TNRC18: variants seen among roughly 807,000 people sequenced by gnomAD.
TNRC18 encodes the protein trinucleotide repeat containing 18, also known as trinucleotide repeat-containing gene 18 protein.
In TNRC18, 69 loss-of-function variants were observed where a neutral mutation model predicts 226.7. That is an observed-to-expected ratio of 0.30 (90% CI 0.25 to 0.37). The LOEUF is 0.37. TNRC18 is among the 10% of genes least tolerant of loss of function. The pLI is 1.00. For synonymous variants in TNRC18, 2,449 were observed against 1,927.6 expected (o/e 1.27, Z -7.09); for missense variants, 4,754 against 4,256.6 (o/e 1.12, Z -3.25).
At chr7:5,357,335 C>G in intron 15 of TNRC18, 59 bp from the exon 16 acceptor site, 1 of 1,520,968 alleles carries the variant, frequency 6.6e-7, no homozygotes. Context: ...TAGTGGGTTT[C>G]AGTGCACATG....
Position 5,309,517 on chromosome 7 carries a change from G to C in TNRC18, c.8389-149C>G, listed in dbSNP as rs116966902. ...GGGAGATGAGGAAGCTCCTTGTCTC[G>C]CTTCAAGTGGGGAAGCCCCTCTTCC... On this transcript the variant is annotated intron_variant, in intron 27 of 29. Coordinates refer to ENST00000430969, the MANE Select transcript of TNRC18 (RefSeq NM_001080495.3). This position sits in a 1 kb window ranked among gnomAD's most constrained non-coding sequence, Gnocchi z 5.7. 7,130 of 674,412 alleles carry C rather than the reference G, an allele frequency of 0.011. 65 individuals carry two copies. Among genetic ancestry groups the C allele is most frequent in the South Asian group, 0.021 (1,064 of 51,646 alleles). 41.8% of individuals were successfully genotyped at this position (674,412 alleles called of 1,614,324 possible). A position where few individuals can be genotyped will look rare whatever the true frequency, so the allele number is the denominator to read the frequency against.
intron 18 of TNRC18, among the ~76,000 whole-genome samples, chr7:5,337,350 G>A (rs1290135582): frequency 6.6e-6 from 1 of 152,122 alleles, no homozygotes; most frequent in African/African-American, 2.4e-5. Flanking sequence ...CGGGCATGAT[G>A]GCTCACACCT....
In TNRC18 at chr7:5,321,105, G is replaced by A. The variant is rs766645034; in HGVS notation, c.6528C>T (p.Ala2176=). The change falls in exon 22 of 30, where the codon GCC becomes GCT. Residue 2176 remains alanine, a synonymous_variant. Coordinates refer to ENST00000430969, the MANE Select transcript of TNRC18 (RefSeq NM_001080495.3). The part of the protein sequence containing the change: ...LIPMDDKLLY[A]GHVQTVHSPD... ...GCGAGTGCACGGTCTGCACGTGCCC[G>A]GCGTACAGCAGCTTGTCATCCATGG... 74 of 1,553,798 alleles carry A rather than the reference G, an allele frequency of 4.8e-5. No individual in the cohort carries two copies. Among genetic ancestry groups the A allele is most frequent in the South Asian group, 1.3e-4 (11 of 84,152 alleles).
chr7:5,381,897 C>T (rs567387955), intron 5 of TNRC18, among the ~76,000 whole-genome samples: 8 of 152,058 alleles, frequency 5.3e-5, no homozygotes, highest in Admixed American at 2.6e-4. Context: ...ACCCGGGAGG[C>T]GGAGGTTGCA....
At position 5,370,421 on chromosome 7, in the gene TNRC18, A is replaced by T; in HGVS notation, c.4173T>A (p.Ser1391Arg). The part of the protein sequence containing the change: ...QSFLHGITLL[S>R]EIAELELERR... Reference sequence around the variant, plus strand: ...TCTCCAGCTCCAGCTCTGCGATCTCACTTAGCAGGGTGATGCCATGCAGGA... The same window carrying T: ...TCTCCAGCTCCAGCTCTGCGATCTCTCTTAGCAGGGTGATGCCATGCAGGA... The change falls in exon 11 of 30, where the codon AGT becomes AGA. Residue 1391 changes from serine to arginine, a missense_variant. Physicochemically the swap from Ser to Arg is moderately radical, Grantham distance 110 (BLOSUM62 -1). Coordinates refer to ENST00000430969, the MANE Select transcript of TNRC18 (RefSeq NM_001080495.3). 1 of 1,554,002 alleles carries T rather than the reference A, an allele frequency of 6.4e-7. No individual in the cohort carries two copies. The highest frequency in any genetic ancestry group is 1.7e-4 in the Middle Eastern group (1 of 5,996).
intron 5 of TNRC18, among the ~76,000 whole-genome samples, chr7:5,386,227 G>A (rs569745954): frequency 5.2e-4 from 79 of 152,104 alleles, no homozygotes; most frequent in African/African-American, 1.6e-3. Context: ...GGCAGAGGTT[G>A]CAGTGAGCAG....
intron 16 of TNRC18, 46 bp downstream of exon 16, chr7:5,356,870 A>T (rs1792475509): frequency 6.8e-7 from 1 of 1,475,520 alleles, no homozygotes; most frequent in Non-Finnish European, 9.0e-7. Context: ...AGGGGAGAAA[A>T]GGAGAGAAGC....
intron 2 of TNRC18, among the ~76,000 whole-genome samples, chr7:5,417,970 C>A (rs143047720): frequency 3.3e-5 from 5 of 152,268 alleles, no homozygotes; most frequent in Non-Finnish European, 7.4e-5. Flanking sequence ...CCAAGCCAAG[C>A]CCCTCCCTTG....
intron 17 of TNRC18, among the ~76,000 whole-genome samples, chr7:5,350,299 A>G (rs929357647): frequency 9.2e-5 from 14 of 151,984 alleles, no homozygotes; most frequent in African/African-American, 3.4e-4. Flanking sequence ...CCAGGGGAAC[A>G]TGGGCCCCGG....
In TNRC18 at chr7:5,421,329, G is replaced by A. The variant is rs1178175331; in HGVS notation, c.-83C>T. 3.4e-6 allele frequency: 4 copies of A among 1,180,290 alleles called. No individual in the cohort carries two copies. Among genetic ancestry groups the A allele is most frequent in the Admixed American group, 8.6e-5 (2 of 23,156 alleles). 73.1% of individuals were successfully genotyped at this position (1,180,290 alleles called of 1,614,324 possible). On this transcript the variant is annotated 5_prime_UTR_variant, in exon 2 of 30. Transcript: ENST00000430969. Reference sequence around the variant, plus strand: ...GACCTAAAAGTTCGGCCTCGGCGTAGTCCCAGAGTCCTCGGGCGGCGGGGG... The same window carrying A: ...GACCTAAAAGTTCGGCCTCGGCGTAATCCCAGAGTCCTCGGGCGGCGGGGG...
chr7:5,329,747 A>G (rs529328143), intron 19 of TNRC18, among the ~76,000 whole-genome samples: 1 of 118,012 alleles, frequency 8.5e-6, no homozygotes, highest in Non-Finnish European at 1.8e-5. Context: ...GGAATGATCA[A>G]TAGAGTTGGG....
chr7:5,350,464 C>T (rs369733333), intron 17 of TNRC18, among the ~76,000 whole-genome samples: 6 of 152,070 alleles, frequency 3.9e-5, no homozygotes, highest in African/African-American at 1.2e-4. Context: ...ATTCAGGTCC[C>T]GGGGTGCCCG....
Position 5,394,927 on chromosome 7 carries a change from C to T in TNRC18, c.188-332G>A, listed in dbSNP as rs1281084315. 6.6e-6 allele frequency among the ~76,000 whole-genome samples: 1 copy of T among 152,208 alleles called. No homozygotes were observed. Among genetic ancestry groups the T allele is most frequent in the East Asian group, 1.9e-4 (1 of 5,198 alleles). ...AACCAGCCCAGATCCGGCCCGGCACCATTCTCCCCATCTGCAGGTGGAATC... is the reference window on the plus strand; with the variant it reads ...AACCAGCCCAGATCCGGCCCGGCACTATTCTCCCCATCTGCAGGTGGAATC... On this transcript the variant is annotated intron_variant, in intron 2 of 29. Transcript: ENST00000430969. The surrounding 1 kb of genome is among the most constrained non-coding windows in gnomAD (Gnocchi z 4.5).
In TNRC18 at chr7:5,408,655, A is replaced by G. The variant is rs61635186; in HGVS notation, c.187+12405T>C. The stretch of plus-strand genomic sequence containing the variant: ...AGACTCCGTCTCAAAAAACAGAAAG[A>G]AAAAAAAACCATTTGGAAGCAAGAA... On this transcript the variant is annotated intron_variant, in intron 2 of 29. Coordinates refer to ENST00000430969, the MANE Select transcript of TNRC18 (RefSeq NM_001080495.3). Among the ~76,000 whole-genome samples the G allele has an allele frequency of 8.7e-3, 1,325 of 151,670 alleles. 84 individuals are homozygous for G. In the East Asian group the frequency reaches 0.17, roughly 19 times the overall value.
At chr7:5,385,494 C>CAAAAAAAAAAAAAAAAAAAAAAA in intron 5 of TNRC18, among the ~76,000 whole-genome samples, 1 of 88,096 alleles carries the variant, frequency 1.1e-5, no homozygotes, top group Non-Finnish European at 2.4e-5. Context: ...GACTCCGTCT[C>CAAAAAAAAAAAAAAAAAAAAAAA]AAAAAAAAAA....
At chr7:5,323,654 G>A (rs1336058153) in intron 21 of TNRC18, among the ~76,000 whole-genome samples, 5 of 143,706 alleles carry the variant, frequency 3.5e-5, no homozygotes, top group Admixed American at 7.3e-5. Flanking sequence ...CGCAACCTCC[G>A]CCTCCTGGTT....
Position 5,361,913 on chromosome 7 carries a change from G to A in TNRC18, c.4516C>T (p.Arg1506Cys), listed in dbSNP as rs758685844. 39 of 1,582,294 alleles carry A rather than the reference G, an allele frequency of 2.5e-5. 1 individual carries two copies. Among genetic ancestry groups the A allele is most frequent in the Non-Finnish European group, 3.1e-5 (36 of 1,166,330 alleles). ...EKQRELVKLQ[R>C]RRDSEDRREE... is the part of the protein sequence containing the mutation. ...CACACTCACTCGGAGTCCCGGCGGC[G>A]CTGCAGCTTCACCAGCTCACGCTGC... The change falls in exon 13 of 30, where the codon CGC (arginine) becomes TGC (cysteine). Residue 1506 changes from arginine to cysteine, a missense_variant. By Grantham distance (180) the Arg-to-Cys change is radical. Transcript: ENST00000430969.
rs187951005 is a variant in TNRC18, at chr7:5,336,004, T to C, written c.5720-2955A>G. On this transcript the variant is annotated intron_variant, in intron 18 of 29. Coordinates refer to ENST00000430969, the MANE Select transcript of TNRC18 (RefSeq NM_001080495.3). ...GGCAGATCACTTGAGGTGAGGAGTT[T>C]GAGACCAGCCTGGCCAACATGGCAA... Among the ~76,000 whole-genome samples, 780 of 151,600 alleles carry C rather than the reference T, an allele frequency of 5.1e-3. 4 individuals carry two copies. Among genetic ancestry groups the C allele is most frequent in the Non-Finnish European group, 8.6e-3 (586 of 67,812 alleles).
chr7:5,376,028 A>C lies in TNRC18; in HGVS notation c.2799+6T>G. 6.3e-7 allele frequency: 1 copy of C among 1,586,810 alleles called. No homozygotes were observed. Among genetic ancestry groups the C allele is most frequent in the Non-Finnish European group, 8.6e-7 (1 of 1,168,434 alleles). On this transcript the variant is annotated splice_donor_region_variant and intron_variant, in intron 9 of 29. Coordinates refer to ENST00000430969, the MANE Select transcript of TNRC18 (RefSeq NM_001080495.3). ...AGGGAGCTGCGCCTCATCCTCCCCG[A>C]CTTACCACGAGCTGGGCGCTCCTCT...
Sources: allele counts gnomAD v4.1 joint callset (sites outside exome capture counted in the v4.1 genomes callset), GRCh38; gene constraint gnomAD v4.1.1; non-coding constraint Gnocchi (gnomAD v3.1); transcripts MANE v1.5; gene names NCBI Gene and HGNC (gene_info 2026-07-23, HGNC 2026-07-21).